The following CDH12 variants were observed in gnomAD, a reference collection of about 807,000 sequenced individuals.
CDH12 encodes cadherin-12.
In CDH12, 41 loss-of-function variants were observed where a neutral mutation model predicts 74.1. The observed-to-expected ratio is 0.55, with a 90% CI of 0.43 to 0.72. The LOEUF (loss-of-function observed/expected upper bound fraction) is 0.72, where lower values mean the gene tolerates loss of function less well. Ranked by LOEUF, CDH12 falls within the 30% of genes least tolerant of loss-of-function variation. The probability of loss-of-function intolerance (pLI) is 0.00; values close to 1 mark genes in which losing one functional copy is unlikely to be tolerated. For missense variants in CDH12, 945 were observed against 977.2 expected (o/e 0.97, Z 0.44); for synonymous variants, 399 against 355.0 (o/e 1.12, Z -1.39).
chr5:22,550,114 TCA>T (rs1738503537), intron 1 of CDH12, among the ~76,000 whole-genome samples: 1 of 152,196 alleles, frequency 6.6e-6, no homozygotes, highest in Non-Finnish European at 1.5e-5. Context: ...TGACTCTCTC[TCA>T]CTTTGTTTCT....
intron 2 of CDH12, among the ~76,000 whole-genome samples, chr5:22,453,135 G>C (rs1032071920): frequency 6.6e-6 from 1 of 151,956 alleles, no homozygotes; most frequent in African/African-American, 2.4e-5. Flanking sequence ...ACTGTTGATG[G>C]GAATGTAAAT....
chr5:22,050,862 G>A (rs1345503897), intron 5 of CDH12, among the ~76,000 whole-genome samples: 1 of 152,050 alleles, frequency 6.6e-6, no homozygotes, highest in Non-Finnish European at 1.5e-5. Context: ...TGTTTCATGT[G>A]CACTGATCTT....
chr5:22,033,304 T>C (rs186565628), intron 5 of CDH12, among the ~76,000 whole-genome samples: 289 of 152,332 alleles, frequency 1.9e-3, no homozygotes, highest in African/African-American at 6.7e-3. Flanking sequence ...CAAGATTTTG[T>C]TTCTCCACAA....
At chr5:22,210,885 C>T (rs1212820573) in intron 4 of CDH12, among the ~76,000 whole-genome samples, 1 of 151,396 alleles carries the variant, frequency 6.6e-6, no homozygotes, top group African/African-American at 2.4e-5. Context: ...CTGTAGTCAA[C>T]ACATTCTTCT....
At position 22,518,609 on chromosome 5, in the gene CDH12, ATC is replaced by A. The variant is rs371719379; in HGVS notation, c.-522-13247_-522-13246del. Among the ~76,000 whole-genome samples the A allele has an allele frequency of 2.8e-3, 424 of 152,334 alleles. 2 individuals are homozygous for A. The highest frequency in any genetic ancestry group is 0.024 in the Middle Eastern group (7 of 294). ...TGTTATGACATAAATGTTGAAAGAC[ATC>A]TTTCAACCATGCCTTTTCTTGTACG... On this transcript the variant is annotated intron_variant, in intron 1 of 14. Transcript: ENST00000382254.
In CDH12 at chr5:22,628,375, A is replaced by G. The variant is rs1301814534; in HGVS notation, c.-522-123011T>C. Among the ~76,000 whole-genome samples, 3 of 152,178 alleles carry G rather than the reference A, an allele frequency of 2.0e-5. No homozygotes were observed. The East Asian group carries it at 5.8e-4, about 29-fold the overall frequency. On this transcript the variant is annotated intron_variant, in intron 1 of 14. Transcript: ENST00000382254. ...CAAAACAATTCTCAGCAAATTCAAA[A>G]AAACCAAAATCATACCTACCACACT...
At chr5:22,314,191 A>G (rs1444120) in intron 3 of CDH12, among the ~76,000 whole-genome samples, 62,790 of 152,024 alleles carry the variant, frequency 0.41, 13,115 homozygotes, top group East Asian at 0.49. Flanking sequence ...ATCTGAAGCT[A>G]AGGAACCCGG....
At chr5:21,957,890 C>T (rs1368652912) in intron 6 of CDH12, among the ~76,000 whole-genome samples, 1 of 152,106 alleles carries the variant, frequency 6.6e-6, no homozygotes, top group Non-Finnish European at 1.5e-5. Flanking sequence ...TTAATAGTTT[C>T]TTTTGCTATG....
At chr5:22,516,732 C>T (rs1414904930) in intron 1 of CDH12, among the ~76,000 whole-genome samples, 1 of 152,020 alleles carries the variant, frequency 6.6e-6, no homozygotes, top group Non-Finnish European at 1.5e-5. Context: ...GAAGTTGAGG[C>T]TGCAGTGAGC....
intron 2 of CDH12, among the ~76,000 whole-genome samples, chr5:22,431,884 T>TA (rs1337517588): frequency 6.6e-6 from 1 of 152,174 alleles, no homozygotes; most frequent in Non-Finnish European, 1.5e-5. Flanking sequence ...GTAGAAAAGT[T>TA]AAAAAATAAA....
chr5:22,813,893 C>A (rs1008398597), intron 1 of CDH12, among the ~76,000 whole-genome samples: 5 of 152,148 alleles, frequency 3.3e-5, no homozygotes, highest in African/African-American at 1.2e-4. Flanking sequence ...CAGCAAAGGA[C>A]CCAGCTATGT....
chr5:22,666,293 T>G (rs554518997), intron 1 of CDH12, among the ~76,000 whole-genome samples: 1 of 85,358 alleles, frequency 1.2e-5, no homozygotes, highest in South Asian at 4.2e-4. Context: ...TTTTTTTTTT[T>G]TTTTTTTTGT....
chr5:22,010,006 G>T (rs1737210576), intron 5 of CDH12, among the ~76,000 whole-genome samples: 1 of 149,218 alleles, frequency 6.7e-6, no homozygotes, highest in Admixed American at 6.7e-5. Flanking sequence ...AGAAAGAAAA[G>T]TTCTAGTTTC....
intron 2 of CDH12, among the ~76,000 whole-genome samples, chr5:22,486,950 T>C (rs2126633658): frequency 6.6e-6 from 1 of 152,252 alleles, no homozygotes; most frequent in South Asian, 2.1e-4. Context: ...TGGCCTAACT[T>C]AGGGGTCAGA....
intron 2 of CDH12, among the ~76,000 whole-genome samples, chr5:22,411,380 C>A (rs1743162965): frequency 6.6e-6 from 1 of 151,818 alleles, no homozygotes; most frequent in East Asian, 1.9e-4. Flanking sequence ...AAGTCATTTA[C>A]TTAAATAGTA....
chr5:21,890,635 C>A (rs1224447314), intron 6 of CDH12, among the ~76,000 whole-genome samples: 2 of 152,006 alleles, frequency 1.3e-5, no homozygotes, highest in African/African-American at 4.8e-5. Context: ...CAAACAAGGA[C>A]CTGTCCTACA....
At chr5:22,499,204 G>C (rs559072869) in intron 2 of CDH12, among the ~76,000 whole-genome samples, 1 of 151,790 alleles carries the variant, frequency 6.6e-6, no homozygotes, top group Non-Finnish European at 1.5e-5. Flanking sequence ...ATGACCCACC[G>C]TGCTCAGCCC....
intron 6 of CDH12, among the ~76,000 whole-genome samples, chr5:21,935,304 A>T (rs1755028103): frequency 1.3e-5 from 2 of 152,262 alleles, no homozygotes; most frequent in East Asian, 1.9e-4. Context: ...AGTTATTAAA[A>T]ATATTTATTC....
intron 1 of CDH12, among the ~76,000 whole-genome samples, chr5:22,694,916 A>T (rs1742272671): frequency 6.6e-6 from 1 of 151,990 alleles, no homozygotes; most frequent in East Asian, 1.9e-4. Flanking sequence ...GTGATTTGCT[A>T]GACCTATCAA....
Sources: gnomAD v4.1 joint callset for allele counts (sites outside exome capture counted in the v4.1 genomes callset) on GRCh38, gnomAD v4.1.1 for gene constraint, MANE v1.5 for transcripts, NCBI Gene and HGNC (gene_info 2026-07-23, HGNC 2026-07-21) for gene names.